Variants in AK4 observed in about 807,000 individuals in gnomAD.
AK4 encodes the protein adenylate kinase 4, mitochondrial.
AK4 carries 13 observed loss-of-function variants against 24.6 expected under a neutral mutation model. The ratio of observed to expected loss-of-function variants is 0.53; its 90% confidence interval spans 0.34 to 0.84. AK4 has a LOEUF of 0.84. Among genes scored for constraint, AK4 ranks in the 40% least tolerant of loss-of-function variants. The pLI, the probability that AK4 is intolerant of heterozygous loss-of-function variation, is 0.01. For missense variants in AK4, 192 were observed against 288.2 expected (o/e 0.67, Z 2.42); for synonymous variants, 88 against 107.0 (o/e 0.82, Z 1.10).
At chr1:65,173,429 C>A (rs1650605233) in intron 1 of AK4, among the ~76,000 whole-genome samples, 1 of 152,190 alleles carries the variant, frequency 6.6e-6, no homozygotes, top group South Asian at 2.1e-4. Context: ...GCACTCCACA[C>A]CACATCTCTA....
intron 1 of AK4, among the ~76,000 whole-genome samples, chr1:65,182,032 C>T (rs78007854): frequency 0.024 from 3,667 of 152,250 alleles, 147 homozygotes; most frequent in African/African-American, 0.083. Context: ...CCTCCCACTT[C>T]AATCTCCAGA....
At chr1:65,185,612 G>A (rs1651069659) in intron 1 of AK4, among the ~76,000 whole-genome samples, 2 of 149,328 alleles carry the variant, frequency 1.3e-5, no homozygotes, top group Admixed American at 6.7e-5. Context: ...CTGTGAAACC[G>A]AATATGACCA....
chr1:65,190,775 C>A lies in AK4; in HGVS notation c.211C>A (p.Arg71Ser), dbSNP rs929965584. Residue 71 changes from arginine to serine, a missense_variant, in exon 2 of 5, where the codon CGC becomes AGC. Arg to Ser is a moderately radical substitution (Grantham distance 110, BLOSUM62 -1). Coordinates refer to ENST00000327299, the MANE Select transcript of AK4 (RefSeq NM_013410.4). ...TTTGGTTCCAGACCATGTGATCACACGCCTAATGATGTCCGAGTTGGAGAA... is the reference window on the plus strand; with the variant it reads ...TTTGGTTCCAGACCATGTGATCACAAGCCTAATGATGTCCGAGTTGGAGAA... ...SLLVPDHVIT[R>S]LMMSELENRR... 5.6e-6 allele frequency: 9 copies of A among 1,614,080 alleles called. No homozygotes were observed. The highest frequency in any genetic ancestry group is 6.8e-6 in the Non-Finnish European group (8 of 1,179,996).
intron 1 of AK4, among the ~76,000 whole-genome samples, chr1:65,158,572 C>T (rs1018680409): frequency 2.0e-5 from 3 of 152,186 alleles, no homozygotes; most frequent in African/African-American, 7.2e-5. Context: ...GTGATCTTGG[C>T]TCACTGCAAC....
chr1:65,163,559 G>T (rs925125117), intron 1 of AK4, among the ~76,000 whole-genome samples: 2 of 152,198 alleles, frequency 1.3e-5, no homozygotes, highest in African/African-American at 4.8e-5. Flanking sequence ...TATTGTTATA[G>T]TCACATACTC....
At chr1:65,167,903 A>G (rs1384249498) in intron 1 of AK4, among the ~76,000 whole-genome samples, 2 of 152,196 alleles carry the variant, frequency 1.3e-5, no homozygotes, top group African/African-American at 4.8e-5. Context: ...TTGTTGTCAC[A>G]TAAATTAAAT....
intron 1 of AK4, among the ~76,000 whole-genome samples, chr1:65,168,145 C>CTTTTTT (rs3051710): frequency 2.4e-5 from 3 of 125,266 alleles, no homozygotes; most frequent in African/African-American, 6.2e-5. Flanking sequence ...TCTGCATATT[C>CTTTTTT]TTTTTTTTTT....
chr1:65,212,752 C>T (rs2101074779), intron 2 of AK4, among the ~76,000 whole-genome samples: 1 of 152,254 alleles, frequency 6.6e-6, no homozygotes, highest in South Asian at 2.1e-4. Flanking sequence ...ACAGCAGCAT[C>T]GTTGCATAGA....
chr1:65,184,007 G>T (rs1025694526), intron 1 of AK4, among the ~76,000 whole-genome samples: 6 of 152,078 alleles, frequency 3.9e-5, no homozygotes, highest in African/African-American at 1.2e-4. Context: ...TAAGTTTTGT[G>T]TTATCGTATA....
intron 2 of AK4, among the ~76,000 whole-genome samples, chr1:65,204,039 C>T (rs1196690954): frequency 1.3e-5 from 2 of 152,048 alleles, no homozygotes; most frequent in East Asian, 3.9e-4. Flanking sequence ...TGGAAAAATG[C>T]AACGGAAAGC....
chr1:65,218,221 A>G (rs1181596360), intron 2 of AK4, among the ~76,000 whole-genome samples: 1 of 152,212 alleles, frequency 6.6e-6, no homozygotes, highest in Non-Finnish European at 1.5e-5. Context: ...TGCTAACCTA[A>G]GAACCTACTC....
At position 65,166,310 on chromosome 1, in the gene AK4, C is replaced by CTGTGTGTGTG. The variant is rs34870729; in HGVS notation, c.145+17790_145+17799dup. ...GAAGCACAATCCAGTGGGATTTAAG[C>CTGTGTGTGTG]TGTGTGTGTGTGTGTGTGTGTGTGT... On this transcript the variant is annotated intron_variant, in intron 1 of 4. Transcript: ENST00000327299. Among the ~76,000 whole-genome samples, 169 of 143,116 alleles carry CTGTGTGTGTG rather than the reference C, an allele frequency of 1.2e-3. 1 individual carries two copies. Among genetic ancestry groups the CTGTGTGTGTG allele is most frequent in the Admixed American group, 5.8e-3 (83 of 14,396 alleles). 93.9% of individuals were successfully genotyped at this position (143,116 alleles called of 152,430 possible). A position where few individuals can be genotyped will look rare whatever the true frequency, so the allele number is the denominator to read the frequency against.
intron 1 of AK4, among the ~76,000 whole-genome samples, chr1:65,154,994 G>A (rs1176806889): frequency 1.3e-5 from 2 of 151,836 alleles, no homozygotes; most frequent in Non-Finnish European, 2.9e-5. Context: ...GGGATTACAG[G>A]CGCCCACCAC....
chr1:65,148,601 G>C, intron 1 of AK4, 49 bp downstream of exon 1: 1 of 1,549,682 alleles, frequency 6.5e-7, no homozygotes, highest in South Asian at 1.2e-5. Context: ...GTTGGGCTGG[G>C]GTGAGGCCCT....
At chr1:65,156,816 G>T (rs1649999221) in intron 1 of AK4, among the ~76,000 whole-genome samples, 1 of 151,786 alleles carries the variant, frequency 6.6e-6, no homozygotes, top group Non-Finnish European at 1.5e-5. Context: ...CAGCTACTCT[G>T]GAGGCTGAGA....
intron 2 of AK4, among the ~76,000 whole-genome samples, chr1:65,212,790 A>G (rs1418568702): frequency 1.3e-5 from 2 of 152,246 alleles, no homozygotes; most frequent in African/African-American, 4.8e-5. Flanking sequence ...CAGAAATCTA[A>G]GGACCAGATG....
At chr1:65,225,069 T>C (rs1652412695) in intron 4 of AK4, among the ~76,000 whole-genome samples, 199 bp downstream of exon 4, 1 of 152,214 alleles carries the variant, frequency 6.6e-6, no homozygotes, top group Admixed American at 6.5e-5. Context: ...CCTGAAACTG[T>C]TAGAACATAA....
At chr1:65,206,612 C>T (rs1355915157) in intron 2 of AK4, among the ~76,000 whole-genome samples, 1 of 152,236 alleles carries the variant, frequency 6.6e-6, no homozygotes, top group African/African-American at 2.4e-5. Context: ...CAAACACACA[C>T]ACACAAAACC....
intron 1 of AK4, among the ~76,000 whole-genome samples, chr1:65,169,922 C>G (rs746251816): frequency 6.6e-6 from 1 of 151,960 alleles, no homozygotes; most frequent in African/African-American, 2.4e-5. Context: ...CTCCCTCACT[C>G]TAGGTGGTGT....
Sources: gnomAD v4.1 joint callset for allele counts (sites outside exome capture counted in the v4.1 genomes callset) on GRCh38, gnomAD v4.1.1 for gene constraint, MANE v1.5 for transcripts, NCBI Gene and HGNC (gene_info 2026-07-23, HGNC 2026-07-21) for gene names.